LRMDA: variants seen among roughly 807,000 people sequenced by gnomAD.
LRMDA encodes the protein leucine rich melanocyte differentiation associated, also known as leucine-rich melanocyte differentiation-associated protein.
In LRMDA, 18 loss-of-function variants were observed where a neutral mutation model predicts 29.8. That is an observed-to-expected ratio of 0.60 (90% CI 0.42 to 0.90). LRMDA has a LOEUF of 0.90. Among genes scored for constraint, LRMDA ranks in the 40% least tolerant of loss-of-function variants. The pLI is 0.00. For missense variants in LRMDA, 273 were observed against 273.9 expected, an observed-to-expected ratio of 1.00 and a Z score of 0.02; for synonymous variants, 125 against 109.4, an observed-to-expected ratio of 1.14 and a Z score of -0.89.
chr10:75,762,326 T>C (rs546396629), intron 2 of LRMDA, among the ~76,000 whole-genome samples: 161 of 152,246 alleles, frequency 1.1e-3, no homozygotes, highest in Non-Finnish European at 8.8e-4. Context: ...CCAACACACA[T>C]TTGTAAACTT....
At chr10:75,454,243 G>T (rs1844490330) in intron 2 of LRMDA, among the ~76,000 whole-genome samples, 2 of 152,170 alleles carry the variant, frequency 1.3e-5, no homozygotes, top group South Asian at 2.1e-4. Flanking sequence ...GTGGGGGAAG[G>T]TTTGAGTAAT....
At chr10:76,482,020 A>T (rs1047071320) in intron 6 of LRMDA, among the ~76,000 whole-genome samples, 1 of 151,918 alleles carries the variant, frequency 6.6e-6, no homozygotes, top group Non-Finnish European at 1.5e-5. Context: ...AACAGAAATC[A>T]TTATCATTCT....
chr10:75,628,713 C>A (rs1029963657), intron 2 of LRMDA, among the ~76,000 whole-genome samples: 3 of 152,198 alleles, frequency 2.0e-5, no homozygotes, highest in African/African-American at 7.2e-5. Flanking sequence ...AGGGGACCCC[C>A]AGCACTGTTA....
chr10:75,929,792 T>C (rs565967014), intron 2 of LRMDA, among the ~76,000 whole-genome samples: 17 of 152,320 alleles, frequency 1.1e-4, no homozygotes, highest in Non-Finnish European at 2.5e-4. Flanking sequence ...TCCCAACCAC[T>C]CTTTTCCCAA....
intron 2 of LRMDA, among the ~76,000 whole-genome samples, chr10:75,539,889 G>GT (rs2132048056): frequency 6.6e-6 from 1 of 152,284 alleles, no homozygotes; most frequent in South Asian, 2.1e-4. Context: ...GTCTGTCAGA[G>GT]TCTTTTGGGT....
intron 6 of LRMDA, among the ~76,000 whole-genome samples, chr10:76,331,132 G>A (rs1259748305): frequency 6.6e-6 from 1 of 152,162 alleles, no homozygotes; most frequent in Non-Finnish European, 1.5e-5. Flanking sequence ...TTAGTTGGGT[G>A]CAGTGGCAGG....
chr10:76,264,944 G>C (rs749740211), intron 5 of LRMDA, among the ~76,000 whole-genome samples: 1 of 152,198 alleles, frequency 6.6e-6, no homozygotes, highest in Non-Finnish European at 1.5e-5. Context: ...GACATTCAGC[G>C]TTCAAGACAG....
At chr10:75,826,562 C>G (rs1188734164) in intron 2 of LRMDA, among the ~76,000 whole-genome samples, 1 of 152,162 alleles carries the variant, frequency 6.6e-6, no homozygotes, top group Non-Finnish European at 1.5e-5. Context: ...AAACTATTAA[C>G]TACGAAGTTT....
At position 76,504,373 on chromosome 10, in the gene LRMDA, A is replaced by G. The variant is rs60244634; in HGVS notation, c.602-52836A>G. On this transcript the variant is annotated intron_variant, in intron 6 of 6. Coordinates refer to ENST00000611255, the MANE Select transcript of LRMDA (RefSeq NM_001305581.2). ...TTGGCTGAGTGTCATGTTTAAATCC[A>G]TAATTTTTTTGTTCATTTCTGCCTC... 9.7e-3 allele frequency among the ~76,000 whole-genome samples: 1,478 copies of G among 152,046 alleles called. 23 individuals are homozygous for G. Among genetic ancestry groups the G allele is most frequent in the African/African-American group, 0.034 (1,410 of 41,530 alleles).
intron 2 of LRMDA, among the ~76,000 whole-genome samples, chr10:75,878,042 G>A (rs978233125): frequency 3.3e-5 from 5 of 152,126 alleles, no homozygotes; most frequent in Admixed American, 1.3e-4. Context: ...AGTGTTTTTG[G>A]ACTCCGACCC....
chr10:76,113,193 A>T (rs1489534596), intron 5 of LRMDA, among the ~76,000 whole-genome samples: 1 of 151,864 alleles, frequency 6.6e-6, no homozygotes, highest in Non-Finnish European at 1.5e-5. Flanking sequence ...GTTACTTGGA[A>T]CAGAATGGGC....
At chr10:76,285,898 G>A (rs1003733756) in intron 5 of LRMDA, among the ~76,000 whole-genome samples, 1 of 152,144 alleles carries the variant, frequency 6.6e-6, no homozygotes, top group African/African-American at 2.4e-5. Context: ...TCTTGAAAAG[G>A]CAGTAAATTC....
chr10:75,766,176 C>T (rs1214409970), intron 2 of LRMDA, among the ~76,000 whole-genome samples: 1 of 152,142 alleles, frequency 6.6e-6, no homozygotes, highest in Admixed American at 6.5e-5. Context: ...CACCAACTTA[C>T]TTTTACAAAG....
At chr10:75,656,680 A>G (rs1018559091) in intron 2 of LRMDA, among the ~76,000 whole-genome samples, 22 of 152,228 alleles carry the variant, frequency 1.4e-4, no homozygotes, top group African/African-American at 4.6e-4. Context: ...TTCTACACAG[A>G]CACTCTCCTC....
intron 6 of LRMDA, among the ~76,000 whole-genome samples, chr10:76,414,325 A>T (rs1006078040): frequency 3.3e-5 from 5 of 152,330 alleles, no homozygotes; most frequent in Admixed American, 6.5e-5. Context: ...GCCACAAAAC[A>T]AACCAGAAAC....
At chr10:76,217,889 G>T (rs1047203493) in intron 5 of LRMDA, among the ~76,000 whole-genome samples, 1 of 152,066 alleles carries the variant, frequency 6.6e-6, no homozygotes, top group Non-Finnish European at 1.5e-5. Flanking sequence ...GAGTCCTTTG[G>T]CTCTCCCAAT....
At chr10:76,174,848 G>A (rs576560440) in intron 5 of LRMDA, among the ~76,000 whole-genome samples, 1 of 151,678 alleles carries the variant, frequency 6.6e-6, no homozygotes, top group African/African-American at 2.4e-5. Context: ...GGCCGGGTGC[G>A]GTGGCTCACG....
At chr10:76,507,063 T>C (rs1310187050) in intron 6 of LRMDA, among the ~76,000 whole-genome samples, 1 of 152,178 alleles carries the variant, frequency 6.6e-6, no homozygotes, top group East Asian at 1.9e-4. Flanking sequence ...CCACCGTAAG[T>C]ATATGAATGT....
At chr10:76,031,670 G>A (rs1848153176) in intron 2 of LRMDA, among the ~76,000 whole-genome samples, 1 of 152,180 alleles carries the variant, frequency 6.6e-6, no homozygotes, top group South Asian at 2.1e-4. Context: ...AGCCAGGGTA[G>A]TAGACATCAG....
Sources: gnomAD v4.1 joint callset for allele counts (sites outside exome capture counted in the v4.1 genomes callset) on GRCh38, gnomAD v4.1.1 for gene constraint, MANE v1.5 for transcripts, NCBI Gene and HGNC (gene_info 2026-07-23, HGNC 2026-07-21) for gene names.